EYA1: variants seen among roughly 807,000 people sequenced by gnomAD.
The protein encoded by EYA1 is protein phosphatase EYA1.
Under a neutral mutation model 82.0 loss-of-function variants are expected in EYA1, and 16 were observed. The ratio of observed to expected loss-of-function variants is 0.20; its 90% CI spans 0.13 to 0.30. The LOEUF is 0.30. Ranked by LOEUF, EYA1 falls within the 10% of genes least tolerant of loss-of-function variation. EYA1 has a pLI of 1.00. For missense variants in EYA1, 633 were observed against 730.7 expected (o/e 0.87, Z 1.54); for synonymous variants, 261 against 264.4 (o/e 0.99, Z 0.12).
intron 2 of EYA1, among the ~76,000 whole-genome samples, chr8:71,388,962 A>G (rs1829120623): frequency 6.6e-6 from 1 of 152,002 alleles, no homozygotes; most frequent in Admixed American, 6.6e-5. Context: ...TGTAGACTAA[A>G]AGACATAGAA....
At chr8:71,394,009 G>C (rs10098130) in intron 2 of EYA1, among the ~76,000 whole-genome samples, 1 of 152,146 alleles carries the variant, frequency 6.6e-6, no homozygotes, top group African/African-American at 2.4e-5. Context: ...GGTATCTCAT[G>C]GTGGTTTTTA....
chr8:71,235,998 CCA>C (rs1470393786), intron 12 of EYA1, among the ~76,000 whole-genome samples: 1 of 152,092 alleles, frequency 6.6e-6, no homozygotes, highest in Admixed American at 6.6e-5. Flanking sequence ...GTATTCCCTT[CCA>C]GTTTTTCTTT....
intron 12 of EYA1, among the ~76,000 whole-genome samples, chr8:71,224,651 G>A (rs1427234556): frequency 6.6e-6 from 1 of 152,194 alleles, no homozygotes; most frequent in Non-Finnish European, 1.5e-5. Flanking sequence ...CACATAAATT[G>A]TCTGAAAGCT....
At chr8:71,307,450 G>A (rs955081551) in intron 7 of EYA1, among the ~76,000 whole-genome samples, 7 of 152,144 alleles carry the variant, frequency 4.6e-5, no homozygotes, top group South Asian at 4.2e-4. Flanking sequence ...GATTACAAGC[G>A]TGTCCGTCCC....
chr8:71,242,970 G>A (rs949861698), intron 12 of EYA1, among the ~76,000 whole-genome samples: 7 of 148,402 alleles, frequency 4.7e-5, no homozygotes, highest in Non-Finnish European at 9.0e-5. Context: ...AGAGACGGGG[G>A]TTTCTCCATG....
At chr8:71,416,704 C>T (rs1830871742) in intron 2 of EYA1, among the ~76,000 whole-genome samples, 1 of 152,140 alleles carries the variant, frequency 6.6e-6, no homozygotes, top group East Asian at 1.9e-4. Flanking sequence ...AGCATCATCT[C>T]AGAGTTGTTA....
intron 2 of EYA1, among the ~76,000 whole-genome samples, chr8:71,374,456 C>T (rs949214987): frequency 6.6e-6 from 1 of 151,990 alleles, no homozygotes; most frequent in Non-Finnish European, 1.5e-5. Flanking sequence ...CCTGTTAGGA[C>T]GTCCGTTACC....
chr8:71,390,767 T>C (rs1056884527), intron 2 of EYA1, among the ~76,000 whole-genome samples: 1 of 152,090 alleles, frequency 6.6e-6, no homozygotes, highest in African/African-American at 2.4e-5. Flanking sequence ...TCCAGTGTCA[T>C]AAATGCTAGA....
chr8:71,204,479 G>A (rs565871490), intron 17 of EYA1, among the ~76,000 whole-genome samples: 3 of 152,274 alleles, frequency 2.0e-5, no homozygotes, highest in South Asian at 4.1e-4. Flanking sequence ...ACTTGCACAT[G>A]CATGAACTGC....
In EYA1 at chr8:71,264,520, A is replaced by G. The variant is rs566219854; in HGVS notation, c.1050+5220T>C. ...GTGACACATGCTTTCCTTTCTTACT[A>G]TCGGTTGTTGCCATTAATAAGACTC... is the stretch of plus-strand genomic sequence containing the variant. On this transcript the variant is annotated intron_variant, in intron 11 of 17. Transcript: ENST00000340726. Among the ~76,000 whole-genome samples, 201 of 152,002 alleles carry G rather than the reference A, an allele frequency of 1.3e-3. 5 individuals carry two copies. In the South Asian group the frequency reaches 0.04, roughly 31 times the overall value.
intron 2 of EYA1, among the ~76,000 whole-genome samples, chr8:71,524,892 T>C (rs1299123233): frequency 6.6e-6 from 1 of 152,244 alleles, no homozygotes; most frequent in Non-Finnish European, 1.5e-5. Flanking sequence ...AAGGAATAAC[T>C]GTTAAGGAGG....
chr8:71,201,200 A>G (rs1207356682), intron 17 of EYA1, among the ~76,000 whole-genome samples: 1 of 150,132 alleles, frequency 6.7e-6, no homozygotes, highest in East Asian at 2.0e-4. Context: ...AAAGAGACAG[A>G]GGTACTACTA....
intron 10 of EYA1, among the ~76,000 whole-genome samples, chr8:71,271,350 C>T (rs1051750270): frequency 1.3e-5 from 2 of 152,114 alleles, no homozygotes; most frequent in Non-Finnish European, 2.9e-5. Flanking sequence ...GCTATAGTCA[C>T]CCTGTTGTGC....
At chr8:71,262,241 T>G (rs1815215464) in intron 11 of EYA1, among the ~76,000 whole-genome samples, 1 of 152,214 alleles carries the variant, frequency 6.6e-6, no homozygotes, top group South Asian at 2.1e-4. Context: ...AGATGCAGTC[T>G]TTTTATTACT....
intron 7 of EYA1, among the ~76,000 whole-genome samples, chr8:71,301,923 T>A (rs1005683126): frequency 1.3e-5 from 2 of 152,038 alleles, no homozygotes; most frequent in Non-Finnish European, 2.9e-5. Context: ...GTTTTTTTTT[T>A]AAACATTGTC....
At chr8:71,535,547 C>A (rs1814646169) in intron 2 of EYA1, among the ~76,000 whole-genome samples, 1 of 152,086 alleles carries the variant, frequency 6.6e-6, no homozygotes, top group Admixed American at 6.6e-5. Flanking sequence ...TAACTGATAC[C>A]TCTGAGAAAA....
chr8:71,444,925 T>C (rs1281526933), intron 2 of EYA1, among the ~76,000 whole-genome samples: 1 of 152,160 alleles, frequency 6.6e-6, no homozygotes, highest in East Asian at 1.9e-4. Context: ...TCCTAAAATG[T>C]AATATTTTTT....
intron 2 of EYA1, among the ~76,000 whole-genome samples, chr8:71,486,826 G>T (rs1049227770): frequency 5.9e-4 from 90 of 151,986 alleles, no homozygotes; most frequent in East Asian, 7.8e-4. Flanking sequence ...CAAAGGAAGA[G>T]AATGAATATT....
At chr8:71,432,896 A>C (rs1208074475) in intron 2 of EYA1, among the ~76,000 whole-genome samples, 1 of 152,162 alleles carries the variant, frequency 6.6e-6, no homozygotes, top group Non-Finnish European at 1.5e-5. Flanking sequence ...GTACTATTCC[A>C]AGTTTCCATT....
Sources: allele counts gnomAD v4.1 joint callset (sites outside exome capture counted in the v4.1 genomes callset), GRCh38; gene constraint gnomAD v4.1.1; transcripts MANE v1.5; gene names NCBI Gene and HGNC (gene_info 2026-07-23, HGNC 2026-07-21).